The following ZNF257 variants were observed in gnomAD, a reference collection of about 807,000 sequenced individuals.
The protein encoded by ZNF257 is zinc finger protein 257.
Under a neutral mutation model 11.9 loss-of-function variants are expected in ZNF257, and 12 were observed. The ratio of observed to expected loss-of-function variants is 1.01; its 90% CI spans 0.65 to 1.63. The LOEUF is 1.63. ZNF257 is among the 40% of genes most tolerant of loss of function. The probability of loss-of-function intolerance (pLI) is 0.00; values close to 1 mark genes in which losing one functional copy is unlikely to be tolerated. For missense variants in ZNF257, 580 were observed against 665.5 expected, an observed-to-expected ratio of 0.87 and a Z score of 1.41; for synonymous variants, 183 against 222.7, an observed-to-expected ratio of 0.82 and a Z score of 1.59.
At position 22,081,476 on chromosome 19, in the gene ZNF257, T is replaced by C. The variant is rs143385332; in HGVS notation, c.227-6501T>C. ...AATGAATCTCTTGTATGCAGCATATTGTATGCTGTTTTTCTTAAGCCAATT... is the reference window on the plus strand; with the variant it reads ...AATGAATCTCTTGTATGCAGCATATCGTATGCTGTTTTTCTTAAGCCAATT... On this transcript the variant is annotated intron_variant, in intron 3 of 3. Coordinates refer to ENST00000594947, the MANE Select transcript of ZNF257 (RefSeq NM_033468.4). 2.5e-3 allele frequency among the ~76,000 whole-genome samples: 383 copies of C among 152,164 alleles called. 2 individuals carry two copies. Among genetic ancestry groups the C allele is most frequent in the African/African-American group, 8.9e-3 (370 of 41,508 alleles).
At chr19:22,087,136 TATA>T (rs941958933) in intron 3 of ZNF257, among the ~76,000 whole-genome samples, 64 of 152,142 alleles carry the variant, frequency 4.2e-4, no homozygotes, top group African/African-American at 1.5e-3. Flanking sequence ...ATTTTTATTT[TATA>T]ATGATTGCTT....
chr19:22,056,607 C>T (rs965468555), intron 1 of ZNF257, among the ~76,000 whole-genome samples: 10 of 151,930 alleles, frequency 6.6e-5, no homozygotes, highest in Non-Finnish European at 1.5e-5. Flanking sequence ...TCCCGAGTAG[C>T]TGGGACTACA....
chr19:22,066,308 A>T, intron 1 of ZNF257: 1 of 153,178 alleles, frequency 6.5e-6, no homozygotes, highest in South Asian at 2.1e-4. Flanking sequence ...ACTGAGGCTG[A>T]AACACTTCTT....
At chr19:22,070,021 T>C (rs2043315) in intron 1 of ZNF257, among the ~76,000 whole-genome samples, 36,793 of 152,026 alleles carry the variant, frequency 0.24, 6,209 homozygotes, top group African/African-American at 0.48. Context: ...CCTCAGATAA[T>C]TGATTTAATA....
At chr19:22,074,199 T>C (rs1331155146) in intron 3 of ZNF257, among the ~76,000 whole-genome samples, 1 of 152,098 alleles carries the variant, frequency 6.6e-6, no homozygotes, top group Non-Finnish European at 1.5e-5. Flanking sequence ...ATTGAACCTA[T>C]ATTTATTGAA....
Position 22,089,081 on chromosome 19 carries a change from C to T in ZNF257, c.1331C>T (p.Ser444Leu), listed in dbSNP as rs1380622609. The change falls in exon 4 of 4, where the codon TCA (serine) becomes TTA (leucine). Residue 444 changes from serine to leucine, a missense_variant. Ser to Leu is a moderately radical substitution (Grantham distance 145). Transcript: ENST00000594947. ...EECGKAFNRS[S>L]YLIRHKIIHT... is the part of the protein sequence containing the mutation. ...TGTGGCAAAGCCTTTAACCGGTCTT[C>T]ATACCTTATTCGACATAAGATAATT... The T allele has an allele frequency of 6.8e-6, 11 of 1,613,638 alleles. No homozygotes were observed. The highest frequency in any genetic ancestry group is 1.3e-5 in the African/African-American group (1 of 74,850).
intron 1 of ZNF257, among the ~76,000 whole-genome samples, chr19:22,067,788 C>T (rs1354437931): frequency 1.3e-5 from 2 of 151,856 alleles, no homozygotes; most frequent in Non-Finnish European, 2.9e-5. Context: ...GACCCGAGAT[C>T]GCGCCACTGC....
At chr19:22,076,077 A>G (rs1027632459) in intron 3 of ZNF257, among the ~76,000 whole-genome samples, 2 of 152,152 alleles carry the variant, frequency 1.3e-5, no homozygotes, top group Non-Finnish European at 1.5e-5. Flanking sequence ...GTTATGTTTG[A>G]AGTAAATTAG....
At chr19:22,085,615 T>C (rs2022459061) in intron 3 of ZNF257, among the ~76,000 whole-genome samples, 1 of 152,054 alleles carries the variant, frequency 6.6e-6, no homozygotes, top group South Asian at 2.1e-4. Context: ...TTATATTGCT[T>C]TCTATGTGTT....
At chr19:22,076,515 C>T (rs980891844) in intron 3 of ZNF257, among the ~76,000 whole-genome samples, 5 of 152,048 alleles carry the variant, frequency 3.3e-5, no homozygotes, top group Non-Finnish European at 7.4e-5. Context: ...CCACACAGTG[C>T]CTGTCAATGA....
At chr19:22,053,366 C>CAAAAAAAAAAA (rs61426953) in intron 1 of ZNF257, among the ~76,000 whole-genome samples, 4 of 76,482 alleles carry the variant, frequency 5.2e-5, no homozygotes, top group African/African-American at 1.6e-4. Flanking sequence ...GACTCCGTCT[C>CAAAAAAAAAAA]AAAAAAAAAA....
intron 3 of ZNF257, among the ~76,000 whole-genome samples, chr19:22,077,085 A>G (rs1214354796): frequency 1.3e-5 from 2 of 152,188 alleles, no homozygotes; most frequent in Non-Finnish European, 1.5e-5. Context: ...AGACCAAGAC[A>G]GAAGGATTGC....
chr19:22,081,737 C>T (rs539274769), intron 3 of ZNF257, among the ~76,000 whole-genome samples: 76 of 152,014 alleles, frequency 5.0e-4, no homozygotes, highest in African/African-American at 1.8e-3. Flanking sequence ...GCCGTGTTGC[C>T]CACTCTGGTT....
At chr19:22,053,366 C>CAA (rs61426953) in intron 1 of ZNF257, among the ~76,000 whole-genome samples, 9,330 of 76,166 alleles carry the variant, frequency 0.12, 1,554 homozygotes, top group Non-Finnish European at 0.14. Flanking sequence ...GACTCCGTCT[C>CAA]AAAAAAAAAA....
At chr19:22,063,735 T>C (rs1292187074) in intron 1 of ZNF257, among the ~76,000 whole-genome samples, 2 of 152,220 alleles carry the variant, frequency 1.3e-5, no homozygotes, top group African/African-American at 4.8e-5. Context: ...TGGTATAATG[T>C]AGGGATTTTT....
chr19:22,079,249 G>T (rs1410308805), intron 3 of ZNF257, among the ~76,000 whole-genome samples: 1 of 152,082 alleles, frequency 6.6e-6, no homozygotes, highest in Non-Finnish European at 1.5e-5. Context: ...CTTTGTTTCA[G>T]TACCACATCG....
chr19:22,053,846 AC>A (rs2145680472), intron 1 of ZNF257, among the ~76,000 whole-genome samples: 1 of 151,752 alleles, frequency 6.6e-6, no homozygotes, highest in South Asian at 2.1e-4. Context: ...AATCGCTTGA[AC>A]CCAGGAGGTG....
chr19:22,085,532 A>C (rs928993900), intron 3 of ZNF257, among the ~76,000 whole-genome samples: 1 of 150,386 alleles, frequency 6.6e-6, no homozygotes, highest in Non-Finnish European at 1.5e-5. Flanking sequence ...CTTCAAGTCC[A>C]CTGTTTCCTT....
At chr19:22,085,562 A>C (rs955146211) in intron 3 of ZNF257, among the ~76,000 whole-genome samples, 4 of 146,340 alleles carry the variant, frequency 2.7e-5, no homozygotes, top group Non-Finnish European at 6.1e-5. Flanking sequence ...CTCTTGTTTT[A>C]TTATTATCAG....
Sources: gnomAD v4.1 joint callset for allele counts (sites outside exome capture counted in the v4.1 genomes callset) on GRCh38, gnomAD v4.1.1 for gene constraint, MANE v1.5 for transcripts, NCBI Gene and HGNC (gene_info 2026-07-23, HGNC 2026-07-21) for gene names.